The following CDS1 variants were observed in gnomAD, a reference collection of about 807,000 sequenced individuals.
CDS1 encodes phosphatidate cytidylyltransferase 1.
A neutral mutation model predicts 62.1 loss-of-function variants in CDS1; 41 were observed. That is an observed-to-expected ratio of 0.66 (90% CI 0.51 to 0.86). CDS1 has a LOEUF of 0.86. Ranked by LOEUF, CDS1 falls within the 40% of genes least tolerant of loss-of-function variation. The pLI is 0.00. For missense variants in CDS1, 470 were observed against 550.1 expected (o/e 0.85, Z 1.46); for synonymous variants, 185 against 192.6 (o/e 0.96, Z 0.32).
chr4:84,641,850 T>C (rs935800117), intron 10 of CDS1, among the ~76,000 whole-genome samples: 5 of 152,228 alleles, frequency 3.3e-5, no homozygotes, highest in African/African-American at 1.2e-4. Flanking sequence ...ATCTGAATCA[T>C]TTTACATAAA....
intron 1 of CDS1, among the ~76,000 whole-genome samples, chr4:84,601,326 C>T (rs566443210): frequency 1.5e-3 from 234 of 152,194 alleles, no homozygotes; most frequent in African/African-American, 5.4e-3. Flanking sequence ...ACTGGATTGG[C>T]AGTAGTATCT....
chr4:84,597,756 C>A (rs1397712234), intron 1 of CDS1, among the ~76,000 whole-genome samples: 2 of 152,124 alleles, frequency 1.3e-5, no homozygotes, highest in Non-Finnish European at 2.9e-5. Flanking sequence ...GTCCTTCTCC[C>A]CAGCACAGAT....
At chr4:84,632,934 G>A (rs1724068350) in intron 6 of CDS1, among the ~76,000 whole-genome samples, 1 of 152,168 alleles carries the variant, frequency 6.6e-6, no homozygotes, top group Non-Finnish European at 1.5e-5. Flanking sequence ...GACCAGTCTG[G>A]GCAACCTGGC....
chr4:84,607,785 T>A (rs2110050264), intron 2 of CDS1, among the ~76,000 whole-genome samples: 1 of 152,242 alleles, frequency 6.6e-6, no homozygotes, highest in African/African-American at 2.4e-5. Flanking sequence ...ACTGCATATA[T>A]GTTACTAGAC....
intron 4 of CDS1, 82 bp downstream of exon 4, chr4:84,617,743 C>A: frequency 1.6e-6 from 1 of 623,408 alleles, no homozygotes; most frequent in Non-Finnish European, 2.8e-6. Context: ...AGTCAGTATC[C>A]ACTCAATTTA....
chr4:84,628,395 G>A (rs191000886), intron 5 of CDS1, among the ~76,000 whole-genome samples: 2 of 152,080 alleles, frequency 1.3e-5, no homozygotes, highest in Admixed American at 6.6e-5. Flanking sequence ...CTGGCATATC[G>A]AAGGTGCTTG....
intron 12 of CDS1, among the ~76,000 whole-genome samples, chr4:84,647,544 T>C (rs897107006): frequency 2.6e-5 from 4 of 152,146 alleles, no homozygotes; most frequent in Admixed American, 2.0e-4. Flanking sequence ...GCAGCCTTCC[T>C]TTTCTCTGTT....
At chr4:84,638,024 G>T (rs1201279459) in intron 8 of CDS1, among the ~76,000 whole-genome samples, 2 of 152,124 alleles carry the variant, frequency 1.3e-5, no homozygotes, top group African/African-American at 4.8e-5. Context: ...GCTCCTATAG[G>T]TTAACCCATA....
intron 2 of CDS1, among the ~76,000 whole-genome samples, chr4:84,604,612 G>T (rs554704523): frequency 6.6e-6 from 1 of 152,296 alleles, no homozygotes; most frequent in Non-Finnish European, 1.5e-5. Flanking sequence ...GAGCTAGTAA[G>T]ATATAGACCT....
intron 5 of CDS1, among the ~76,000 whole-genome samples, chr4:84,631,192 A>G (rs908021232): frequency 5.9e-5 from 9 of 152,180 alleles, no homozygotes; most frequent in Admixed American, 1.3e-4. Flanking sequence ...CGTGACTCTT[A>G]AGGGTCAATA....
chr4:84,597,849 G>A (rs1446184229), intron 1 of CDS1, among the ~76,000 whole-genome samples: 4 of 151,992 alleles, frequency 2.6e-5, no homozygotes, highest in South Asian at 4.1e-4. Context: ...GAAGAAGGCC[G>A]GGTGCGGTGG....
intron 8 of CDS1, among the ~76,000 whole-genome samples, chr4:84,637,606 GTGGACGTGACATT>G (rs1724253615): frequency 6.6e-6 from 1 of 152,184 alleles, no homozygotes; most frequent in Non-Finnish European, 1.5e-5. Flanking sequence ...AGGATTACAA[GTGGACGTGACATT>G]TGGGTGGAGA....
intron 5 of CDS1, among the ~76,000 whole-genome samples, chr4:84,623,799 C>T (rs995978120): frequency 5.9e-5 from 9 of 152,056 alleles, no homozygotes; most frequent in African/African-American, 1.9e-4. Context: ...GAGACAGAGG[C>T]GGGTGCTCAT....
chr4:84,588,742 T>G (rs1423004072), intron 1 of CDS1, among the ~76,000 whole-genome samples: 1 of 152,116 alleles, frequency 6.6e-6, no homozygotes, highest in Non-Finnish European at 1.5e-5. Context: ...CTGAAAGTGG[T>G]CTATCTTTTA....
chr4:84,629,602 G>T (rs1406971784), intron 5 of CDS1, among the ~76,000 whole-genome samples: 1 of 152,146 alleles, frequency 6.6e-6, no homozygotes, highest in Non-Finnish European at 1.5e-5. Context: ...GTCCTTTGGG[G>T]ATCCTGCAAC....
At chr4:84,602,318 G>T (rs1295262044) in intron 1 of CDS1, among the ~76,000 whole-genome samples, 2 of 152,212 alleles carry the variant, frequency 1.3e-5, no homozygotes, top group East Asian at 3.8e-4. Flanking sequence ...AAGCAGGACA[G>T]CCTTGTTGAG....
At chr4:84,637,644 A>G (rs1487295790) in intron 8 of CDS1, among the ~76,000 whole-genome samples, 1 of 152,204 alleles carries the variant, frequency 6.6e-6, no homozygotes, top group Non-Finnish European at 1.5e-5. Context: ...GATCCAAACC[A>G]TATCAGAAGC....
chr4:84,583,150 C>CCCGGAGCCTGCCCGGGACCTCCG lies in CDS1; in HGVS notation c.-243_-221dup, dbSNP rs962156887. ...CCGCCTTCTCTGCTCGCGCCTGGCG[C>CCCGGAGCCTGCCCGGGACCTCCG]CCGGAGCCTGCCCGGGACCTCCGCC... is the stretch of plus-strand genomic sequence containing the variant. On this transcript the variant is annotated 5_prime_UTR_variant, in exon 1 of 13. Transcript: ENST00000295887. 3 of 430,836 alleles carry CCCGGAGCCTGCCCGGGACCTCCG rather than the reference C, an allele frequency of 7.0e-6. No homozygotes were observed. Among genetic ancestry groups the CCCGGAGCCTGCCCGGGACCTCCG allele is most frequent in the Admixed American group, 9.3e-5 (2 of 21,522 alleles). 26.7% of individuals were successfully genotyped at this position (430,836 alleles called of 1,614,324 possible).
chr4:84,612,073 G>A (rs1317247682), intron 3 of CDS1, among the ~76,000 whole-genome samples: 1 of 151,578 alleles, frequency 6.6e-6, no homozygotes, highest in Non-Finnish European at 1.5e-5. Context: ...AGTGTATCAG[G>A]GTGGAGGCAG....
Sources: allele counts gnomAD v4.1 joint callset (sites outside exome capture counted in the v4.1 genomes callset), GRCh38; gene constraint gnomAD v4.1.1; transcripts MANE v1.5; gene names NCBI Gene and HGNC (gene_info 2026-07-23, HGNC 2026-07-21).